INSC: variants seen among roughly 807,000 people sequenced by gnomAD.
INSC encodes the protein protein inscuteable homolog.
INSC carries 67 observed loss-of-function variants against 58.6 expected under a neutral mutation model. The observed-to-expected ratio is 1.14, with a 90% CI of 0.94 to 1.40. The LOEUF is 1.40. Among genes scored for constraint, INSC ranks in the 40% most tolerant of loss-of-function variants. The pLI is 0.00. For synonymous variants in INSC, 262 were observed against 276.1 expected (o/e 0.95, Z 0.51); for missense variants, 714 against 692.0 (o/e 1.03, Z -0.36).
At chr11:15,250,129 G>A (rs189992164), downstream of INSC, among the ~76,000 whole-genome samples, 688 of 152,266 alleles carry the variant, frequency 4.5e-3, 4 homozygotes, top group Non-Finnish European at 5.0e-3. Flanking sequence ...GGGGAAATCC[G>A]TACACCCAGA....
At chr11:15,214,142 T>C (rs1851128280) in intron 7 of INSC, among the ~76,000 whole-genome samples, 1 of 152,238 alleles carries the variant, frequency 6.6e-6, no homozygotes, top group African/African-American at 2.4e-5. Flanking sequence ...GATGTGACCC[T>C]TGCTCCCCTT....
At chr11:15,145,144 T>C (rs958725973) in intron 1 of INSC, among the ~76,000 whole-genome samples, 2 of 152,236 alleles carry the variant, frequency 1.3e-5, no homozygotes, top group Non-Finnish European at 2.9e-5. Context: ...GGAAGGGTAC[T>C]TCTTCTTGGA....
chr11:15,262,960 T>C, the INSC span, among the ~76,000 whole-genome samples: 4,043 of 152,196 alleles, frequency 0.027, 92 homozygotes, highest in Non-Finnish European at 0.04. Flanking sequence ...ATTTAATTTT[T>C]AGAGAAATAC....
intron 1 of INSC, among the ~76,000 whole-genome samples, chr11:15,143,634 C>G (rs1446303568): frequency 6.6e-6 from 1 of 152,066 alleles, no homozygotes; most frequent in African/African-American, 2.4e-5. Context: ...TTGAGATCAC[C>G]CTGGTGGTTG....
intron 6 of INSC, among the ~76,000 whole-genome samples, chr11:15,193,232 G>A (rs777166532): frequency 4.6e-5 from 7 of 152,212 alleles, no homozygotes; most frequent in African/African-American, 7.2e-5. Flanking sequence ...ATTTAGAAAA[G>A]TGAGTTATTT....
chr11:15,181,293 A>G (rs1849768306), intron 5 of INSC, among the ~76,000 whole-genome samples: 1 of 152,262 alleles, frequency 6.6e-6, no homozygotes, highest in South Asian at 2.1e-4. Flanking sequence ...AGATTTAAAA[A>G]TATTATTAAA....
intron 1 of INSC, among the ~76,000 whole-genome samples, chr11:15,131,689 C>G (rs1458591458): frequency 6.6e-6 from 1 of 151,988 alleles, no homozygotes; most frequent in African/African-American, 2.4e-5. Flanking sequence ...ATGGGCTGAA[C>G]TTTTAATTTT....
chr11:15,156,202 A>G (rs1245892421), intron 2 of INSC, among the ~76,000 whole-genome samples: 3 of 152,220 alleles, frequency 2.0e-5, no homozygotes, highest in Non-Finnish European at 4.4e-5. Flanking sequence ...GAATGTTGAA[A>G]ACATGCACCC....
At chr11:15,113,522 C>G (rs1394097962), upstream of INSC, among the ~76,000 whole-genome samples, 1 of 152,156 alleles carries the variant, frequency 6.6e-6, no homozygotes, top group Admixed American at 6.5e-5. Context: ...ATTCTGCAAA[C>G]AGTCTGTAAG....
At chr11:15,155,174 C>A (rs1848772443) in intron 2 of INSC, among the ~76,000 whole-genome samples, 1 of 152,234 alleles carries the variant, frequency 6.6e-6, no homozygotes, top group Non-Finnish European at 1.5e-5. Context: ...ACCCCTCTGG[C>A]TACACTTAGC....
intron 1 of INSC, among the ~76,000 whole-genome samples, chr11:15,148,087 A>T (rs1848539828): frequency 6.6e-6 from 1 of 152,190 alleles, no homozygotes; most frequent in African/African-American, 2.4e-5. Flanking sequence ...AGAAAAATAC[A>T]AACAGGTGGG....
At chr11:15,175,699 T>C (rs753566327) in intron 2 of INSC, 42 bp from the exon 3 acceptor site, 2 of 1,434,974 alleles carry the variant, frequency 1.4e-6, no homozygotes, top group South Asian at 1.4e-5. Context: ...TTGGAAATCA[T>C]GGGGTGTTGA....
intron 5 of INSC, among the ~76,000 whole-genome samples, chr11:15,189,239 G>A (rs1367251951): frequency 6.6e-6 from 1 of 152,148 alleles, no homozygotes; most frequent in Non-Finnish European, 1.5e-5. Flanking sequence ...TCACAAAACT[G>A]TAACTGCTTA....
At chr11:15,203,270 A>G (rs1465564363) in intron 7 of INSC, among the ~76,000 whole-genome samples, 1 of 152,150 alleles carries the variant, frequency 6.6e-6, no homozygotes, top group East Asian at 1.9e-4. Flanking sequence ...CCACCTTGCT[A>G]TTCCTGGCCA....
chr11:15,135,387 C>T (rs1175214286), intron 1 of INSC, among the ~76,000 whole-genome samples: 2 of 152,168 alleles, frequency 1.3e-5, no homozygotes, highest in African/African-American at 4.8e-5. Context: ...CCTTATACCC[C>T]CTGTTTCCAA....
chr11:15,140,000 A>G (rs542754459), intron 1 of INSC, among the ~76,000 whole-genome samples: 12 of 152,336 alleles, frequency 7.9e-5, no homozygotes, highest in African/African-American at 2.9e-4. Context: ...AGAGCCAGGA[A>G]TGGCCCACCC....
At chr11:15,225,522 C>T (rs992371681) in intron 8 of INSC, 128 bp from the exon 9 acceptor site, 2 of 949,640 alleles carry the variant, frequency 2.1e-6, no homozygotes, top group Non-Finnish European at 3.1e-6. Context: ...AGCCACTTTC[C>T]TCATCTGTAA....
intron 2 of INSC, among the ~76,000 whole-genome samples, chr11:15,161,876 G>A (rs191257533): frequency 8.8e-4 from 134 of 152,286 alleles, no homozygotes; most frequent in African/African-American, 3.1e-3. Context: ...CATTTGACTG[G>A]GGCTTCACAA....
chr11:15,210,996 G>C (rs1008643163), intron 7 of INSC, among the ~76,000 whole-genome samples: 3 of 152,054 alleles, frequency 2.0e-5, no homozygotes, highest in Admixed American at 6.5e-5. Flanking sequence ...GCCGGCAAGT[G>C]GTGGGTCCTC....
Sources: gnomAD v4.1 joint callset for allele counts (sites outside exome capture counted in the v4.1 genomes callset) on GRCh38, gnomAD v4.1.1 for gene constraint, MANE v1.5 for transcripts, NCBI Gene and HGNC (gene_info 2026-07-23, HGNC 2026-07-21) for gene names.